DLC1: variants seen among roughly 807,000 people sequenced by gnomAD.
DLC1 encodes DLC1 Rho GTPase activating protein.
DLC1 carries 54 observed loss-of-function variants against 140.3 expected under a neutral mutation model. The observed-to-expected ratio is 0.38, with a 90% CI of 0.31 to 0.48. The LOEUF (loss-of-function observed/expected upper bound fraction) is 0.48, where lower values mean the gene tolerates loss of function less well. Ranked by LOEUF, DLC1 falls within the 20% of genes least tolerant of loss-of-function variation. The pLI is 0.96. For synonymous variants in DLC1, 986 were observed against 728.1 expected (o/e 1.35, Z -5.70); for missense variants, 2,536 against 1,907.0 (o/e 1.33, Z -6.14).
At position 13,393,590 on chromosome 8, in the gene DLC1, G is replaced by C; in HGVS notation, c.1277C>G (p.Thr426Ser). 6.2e-7 allele frequency: 1 copy of C among 1,614,150 alleles called. No individual in the cohort carries two copies. The highest frequency in any genetic ancestry group is 8.5e-7 in the Non-Finnish European group (1 of 1,180,022). The change falls in exon 4 of 18, where the codon ACT (threonine) becomes AGT (serine). Residue 426 changes from threonine (T) to serine (S), a missense_variant. Transcript: ENST00000276297. The stretch of plus-strand genomic sequence containing the variant: ...TTTGGTTCCAGAATTGGCTACTGGA[G>C]TGGAAGATGGGAGGTCCGTGGACTC... The part of the protein sequence containing the change: ...DTESTDLPSS[T>S]PVANSGTKPK...
chr8:13,492,503 T>G (rs2117170593), intron 2 of DLC1, among the ~76,000 whole-genome samples: 1 of 146,192 alleles, frequency 6.8e-6, no homozygotes, highest in African/African-American at 2.5e-5. Flanking sequence ...TCTCTCTGTC[T>G]CTCTCTCTCT....
intron 2 of DLC1, among the ~76,000 whole-genome samples, chr8:13,428,414 C>A (rs773164648): frequency 6.6e-6 from 1 of 152,038 alleles, no homozygotes; most frequent in Non-Finnish European, 1.5e-5. Flanking sequence ...CTGTTTTCTA[C>A]GATTTTTAAC....
At chr8:13,207,349 A>T (rs1827716206) in intron 5 of DLC1, among the ~76,000 whole-genome samples, 1 of 152,188 alleles carries the variant, frequency 6.6e-6, no homozygotes, top group Non-Finnish European at 1.5e-5. Context: ...ATTTTGCATC[A>T]TGACTTAGTA....
At chr8:13,268,417 C>A (rs1232225267) in intron 5 of DLC1, among the ~76,000 whole-genome samples, 2 of 152,056 alleles carry the variant, frequency 1.3e-5, no homozygotes, top group Non-Finnish European at 2.9e-5. Context: ...CAGGTTCACG[C>A]CATTCTCCTG....
intron 5 of DLC1, among the ~76,000 whole-genome samples, chr8:13,199,804 A>C (rs1016982569): frequency 1.3e-5 from 2 of 152,140 alleles, no homozygotes; most frequent in African/African-American, 4.8e-5. Context: ...TTCCATCTCA[A>C]AGTCAGGCTC....
intron 2 of DLC1, among the ~76,000 whole-genome samples, chr8:13,429,586 G>A (rs922038569): frequency 4.6e-5 from 7 of 152,080 alleles, no homozygotes; most frequent in Non-Finnish European, 5.9e-5. Context: ...TCCTAGCAGT[G>A]AAAGCAAAAA....
At chr8:13,177,176 TGAG>T (rs1825801939) in intron 5 of DLC1, among the ~76,000 whole-genome samples, 1 of 152,206 alleles carries the variant, frequency 6.6e-6, no homozygotes, top group Non-Finnish European at 1.5e-5. Flanking sequence ...TACCAGCCAT[TGAG>T]TCTACTGTCT....
At chr8:13,189,459 C>T (rs550259352) in intron 5 of DLC1, among the ~76,000 whole-genome samples, 1 of 151,286 alleles carries the variant, frequency 6.6e-6, no homozygotes, top group African/African-American at 2.4e-5. Context: ...CCCAAGCAAA[C>T]AAAAAGAAAA....
rs188255831 is a variant in DLC1 at position 13,582,473 on chromosome 8, C to A, written c.-126+22064G>T. ...TGGGCACCGTTTAATCAGCTGCCAG[C>A]AAATATAAAGCAGGCAGAAAAATGT... is the stretch of plus-strand genomic sequence containing the variant. On this transcript the variant is annotated intron_variant, in intron 1 of 1. Transcript: ENST00000631382. Among the ~76,000 whole-genome samples, 72 of 152,134 alleles carry A rather than the reference C, an allele frequency of 4.7e-4. 1 individual carries two copies. Among genetic ancestry groups the A allele is most frequent in the African/African-American group, 1.5e-3 (62 of 41,514 alleles).
chr8:13,260,478 A>G (rs1830431732), intron 5 of DLC1, among the ~76,000 whole-genome samples: 1 of 152,236 alleles, frequency 6.6e-6, no homozygotes, highest in South Asian at 2.1e-4. Context: ...GATAGGAAAG[A>G]ATAGATAATG....
chr8:13,202,971 C>T (rs1172114707), intron 5 of DLC1, among the ~76,000 whole-genome samples: 1 of 152,158 alleles, frequency 6.6e-6, no homozygotes, highest in Non-Finnish European at 1.5e-5. Context: ...CCAAGCTTCC[C>T]CCTTGTAACA....
intron 1 of DLC1, among the ~76,000 whole-genome samples, chr8:13,595,247 T>C (rs541321879): frequency 6.6e-6 from 1 of 152,114 alleles, no homozygotes; most frequent in Non-Finnish European, 1.5e-5. Context: ...CACAAGGATT[T>C]TTTTTAGAAA....
chr8:13,418,526 G>C (rs889012378), intron 2 of DLC1, among the ~76,000 whole-genome samples: 1 of 152,108 alleles, frequency 6.6e-6, no homozygotes, highest in Admixed American at 6.6e-5. Flanking sequence ...GATAGTTGTA[G>C]ATAAGCAGCG....
chr8:13,526,931 A>T (rs1345299508), intron 1 of DLC1, among the ~76,000 whole-genome samples: 2 of 152,232 alleles, frequency 1.3e-5, no homozygotes, highest in African/African-American at 4.8e-5. Context: ...TTTAAAAAAA[A>T]GTTTTCATAA....
At chr8:13,227,512 C>T (rs1054428040) in intron 5 of DLC1, among the ~76,000 whole-genome samples, 5 of 152,118 alleles carry the variant, frequency 3.3e-5, no homozygotes, top group Non-Finnish European at 7.4e-5. Flanking sequence ...CTGTGCTTCA[C>T]TGGTAGCTGA....
At chr8:13,262,404 C>T (rs775460307) in intron 5 of DLC1, among the ~76,000 whole-genome samples, 5 of 149,940 alleles carry the variant, frequency 3.3e-5, no homozygotes, top group South Asian at 2.1e-4. Context: ...TTTTTTTTTA[C>T]GAAGTTTGAC....
chr8:13,508,584 A>G (rs1421859365), intron 1 of DLC1, among the ~76,000 whole-genome samples: 1 of 151,670 alleles, frequency 6.6e-6, no homozygotes, highest in Non-Finnish European at 1.5e-5. Context: ...AGCCCGGCTA[A>G]TTTTTTTGTA....
intron 2 of DLC1, among the ~76,000 whole-genome samples, chr8:13,475,416 T>C (rs1407711405): frequency 6.6e-6 from 1 of 152,216 alleles, no homozygotes; most frequent in Admixed American, 6.5e-5. Context: ...ATCTTTTATA[T>C]TGGGTTTCTG....
At chr8:13,337,624 T>C (rs1833860973) in intron 4 of DLC1, among the ~76,000 whole-genome samples, 1 of 152,124 alleles carries the variant, frequency 6.6e-6, no homozygotes, top group Non-Finnish European at 1.5e-5. Context: ...AAGACAAAAT[T>C]GTAGGAAAGA....
Sources: allele counts gnomAD v4.1 joint callset (sites outside exome capture counted in the v4.1 genomes callset), GRCh38; gene constraint gnomAD v4.1.1; transcripts MANE v1.5; gene names NCBI Gene and HGNC (gene_info 2026-07-23, HGNC 2026-07-21).